The following NFKB1 variants were observed in gnomAD, a reference collection of about 807,000 sequenced individuals.
The protein encoded by NFKB1 is nuclear factor NF-kappa-B p105 subunit.
NFKB1 carries 9 observed loss-of-function variants against 105.1 expected under a neutral mutation model. That is an observed-to-expected ratio of 0.09 (90% confidence interval 0.05 to 0.15). The LOEUF (loss-of-function observed/expected upper bound fraction) is 0.15. NFKB1 is among the 10% of genes least tolerant of loss of function. The probability of loss-of-function intolerance (pLI) is 1.00; values close to 1 mark genes in which losing one functional copy is unlikely to be tolerated. For missense variants in NFKB1, 830 were observed against 1,203.7 expected (o/e 0.69, Z 4.59); for synonymous variants, 440 against 442.2 (o/e 1.00, Z 0.06).
At chr4:102,577,139 C>T in intron 7 of NFKB1, 100 bp downstream of exon 7, 2 of 1,230,230 alleles carry the variant, frequency 1.6e-6, no homozygotes, top group South Asian at 1.6e-5. Context: ...CAGTCTCTAC[C>T]CCACACTGCT....
At chr4:102,515,107 A>ATTTTTTTTTTTTTTTTTTTTT (rs34257045) in intron 1 of NFKB1, among the ~76,000 whole-genome samples, 1 of 95,656 alleles carries the variant, frequency 1.0e-5, no homozygotes. Flanking sequence ...TATTATTATT[A>ATTTTTTTTTTTTTTTTTTTTT]TTTTTTTTTT....
chr4:102,505,353 A>G (rs1242711139), intron 1 of NFKB1, among the ~76,000 whole-genome samples: 1 of 152,278 alleles, frequency 6.6e-6, no homozygotes, highest in African/African-American at 2.4e-5. Flanking sequence ...AGTGCATTTT[A>G]CATTTTAAAA....
chr4:102,518,957 A>G (rs1048395467), intron 1 of NFKB1, among the ~76,000 whole-genome samples: 2 of 152,072 alleles, frequency 1.3e-5, no homozygotes, highest in Non-Finnish European at 2.9e-5. Context: ...ACCTCTTCCT[A>G]TTGGTCAGAG....
At position 102,502,334 on chromosome 4, in the gene NFKB1, T is replaced by G. The variant is rs933357579; in HGVS notation, c.-8+546T>G. Among the ~76,000 whole-genome samples the G allele has an allele frequency of 8.0e-5, 12 of 149,934 alleles. No homozygotes were observed. In the East Asian group the frequency reaches 1.2e-3, roughly 15 times the overall value. On this transcript the variant is annotated intron_variant, in intron 1 of 23. Coordinates refer to ENST00000226574, the MANE Select transcript of NFKB1 (RefSeq NM_003998.4). ...CTCCTACTTCTAAAAGAAACCTGGC[T>G]CGCTCTCTGTCTCTCTCTCTCTCCC...
intron 12 of NFKB1, among the ~76,000 whole-genome samples, chr4:102,594,490 T>A (rs1372238318): frequency 6.6e-6 from 1 of 152,200 alleles, no homozygotes; most frequent in Admixed American, 6.5e-5. Context: ...TGGCCATTTT[T>A]CCATTGAGGA....
At chr4:102,586,307 G>A (rs1007535563) in intron 11 of NFKB1, among the ~76,000 whole-genome samples, 1 of 152,198 alleles carries the variant, frequency 6.6e-6, no homozygotes, top group Non-Finnish European at 1.5e-5. Context: ...CAGGAAGCTT[G>A]TGATGTGGTT....
intron 11 of NFKB1, among the ~76,000 whole-genome samples, chr4:102,589,115 A>C (rs1342340990): frequency 3.3e-5 from 5 of 152,210 alleles, no homozygotes; most frequent in Non-Finnish European, 7.3e-5. Flanking sequence ...TAGCTGTGTT[A>C]TAATTAATAT....
At chr4:102,509,521 C>T (rs979318803) in intron 1 of NFKB1, among the ~76,000 whole-genome samples, 2 of 152,114 alleles carry the variant, frequency 1.3e-5, no homozygotes, top group Admixed American at 6.6e-5. Context: ...TGTAGGAGTC[C>T]AGTCATTCAA....
intron 6 of NFKB1, among the ~76,000 whole-genome samples, chr4:102,572,245 A>G (rs1014579304): frequency 5.3e-5 from 8 of 150,202 alleles, no homozygotes; most frequent in Admixed American, 1.3e-4. Flanking sequence ...CAGAAAACCA[A>G]ACACTGCATG....
chr4:102,606,055 A>C (rs1361972214), intron 16 of NFKB1, among the ~76,000 whole-genome samples: 1 of 152,252 alleles, frequency 6.6e-6, no homozygotes, highest in Non-Finnish European at 1.5e-5. Context: ...CAAAATCAAC[A>C]ATCAGTGGGT....
At chr4:102,511,027 G>C (rs1739744021) in intron 1 of NFKB1, 1 of 1,002,038 alleles carries the variant, frequency 1.0e-6, no homozygotes, top group Non-Finnish European at 1.3e-6. Flanking sequence ...GTGGAGTAGG[G>C]GAAGCATTGC....
At chr4:102,573,435 A>G (rs1169563400) in intron 6 of NFKB1, among the ~76,000 whole-genome samples, 1 of 152,052 alleles carries the variant, frequency 6.6e-6, no homozygotes. Flanking sequence ...TCCTCTGTAT[A>G]TAATTTTTTT....
At position 102,576,738 on chromosome 4, in the gene NFKB1, T is replaced by C. The variant is rs547442416; in HGVS notation, c.408-138T>C. On this transcript the variant is annotated intron_variant, in intron 6 of 23. Coordinates refer to ENST00000226574, the MANE Select transcript of NFKB1 (RefSeq NM_003998.4). The stretch of plus-strand genomic sequence containing the variant: ...AAAATACCCTAAATTCTGAAATGCA[T>C]GTAGCCCCAAGAGATTTGTATAAAG... The C allele has an allele frequency of 4.1e-5, 36 of 878,402 alleles. No individual in the cohort carries two copies. The African/African-American group carries it at 5.1e-4, about 12-fold the overall frequency. The allele number at this position is 878,402 out of a possible 1,614,324, so 54.4% of individuals were successfully genotyped here. A position where few individuals can be genotyped will look rare whatever the true frequency, so the allele number is the denominator to read the frequency against.
At chr4:102,502,287 A>G (rs1331521826) in intron 1 of NFKB1, 1 of 151,946 alleles carries the variant, frequency 6.6e-6, no homozygotes, top group Non-Finnish European at 1.5e-5. Context: ...CCAGAATTGA[A>G]TAGGAGAGTC....
chr4:102,603,861 A>C (rs914410904), intron 16 of NFKB1, among the ~76,000 whole-genome samples: 1 of 152,154 alleles, frequency 6.6e-6, no homozygotes, highest in Non-Finnish European at 1.5e-5. Flanking sequence ...AAAATAGTCC[A>C]AGTGCACCGA....
chr4:102,524,038 AAAG>A (rs896862626), intron 1 of NFKB1, among the ~76,000 whole-genome samples: 9 of 152,174 alleles, frequency 5.9e-5, no homozygotes, highest in African/African-American at 2.2e-4. Flanking sequence ...TGAAAAAAAA[AAAG>A]AAAAATAACC....
intron 17 of NFKB1, 121 bp from the exon 18 acceptor site, chr4:102,607,029 C>G: frequency 1.0e-6 from 1 of 968,990 alleles, no homozygotes. Context: ...GAACAATAGA[C>G]TTATAGTATC....
chr4:102,558,794 G>C (rs950416889), intron 5 of NFKB1, among the ~76,000 whole-genome samples: 2 of 152,096 alleles, frequency 1.3e-5, no homozygotes, highest in African/African-American at 4.8e-5. Flanking sequence ...GGAACTACAG[G>C]TGCACACTAC....
chr4:102,581,170 A>G (rs1436819314), intron 9 of NFKB1, among the ~76,000 whole-genome samples: 1 of 152,218 alleles, frequency 6.6e-6, no homozygotes, highest in African/African-American at 2.4e-5. Context: ...CCCTTTGAGG[A>G]AAGGTTCTTG....
Sources: allele counts gnomAD v4.1 joint callset (sites outside exome capture counted in the v4.1 genomes callset), GRCh38; gene constraint gnomAD v4.1.1; transcripts MANE v1.5; gene names NCBI Gene and HGNC (gene_info 2026-07-23, HGNC 2026-07-21).